MRI1: variants seen among roughly 807,000 people sequenced by gnomAD.
The protein encoded by MRI1 is methylthioribose-1-phosphate isomerase 1, also known as methylthioribose-1-phosphate isomerase.
In MRI1, 32 loss-of-function variants were observed where a neutral mutation model predicts 27.3. The observed-to-expected ratio is 1.17, with a 90% CI of 0.88 to 1.57. The LOEUF is 1.57. MRI1 is among the 40% of genes most tolerant of loss of function. The pLI is 0.00. For synonymous variants in MRI1, 216 were observed against 227.4 expected, an observed-to-expected ratio of 0.95 and a Z score of 0.45; for missense variants, 508 against 516.1, an observed-to-expected ratio of 0.98 and a Z score of 0.15.
intron 3 of MRI1, 156 bp from the exon 4 acceptor site, chr19:13,768,405 A>T (rs1974188293): frequency 6.5e-7 from 1 of 1,537,016 alleles, no homozygotes; most frequent in Admixed American, 2.0e-5. Flanking sequence ...TACCAGGCAG[A>T]GGGAACTGCC....
chr19:13,770,609 C>T (rs565719439), intron 5 of MRI1, among the ~76,000 whole-genome samples: 186 of 149,174 alleles, frequency 1.2e-3, no homozygotes, highest in African/African-American at 3.9e-3. Flanking sequence ...AAAGGCCGAG[C>T]GCTGTGGCTC....
chr19:13,772,449 C>G lies in MRI1; in HGVS notation c.*168C>G. 1.7e-6 allele frequency: 1 copy of G among 584,554 alleles called. No homozygotes were observed. Among genetic ancestry groups the G allele is most frequent in the Non-Finnish European group, 2.9e-6 (1 of 342,296 alleles). 36.2% of individuals were successfully genotyped at this position (584,554 alleles called of 1,614,324 possible). ...CACCTAGAGCCAGGCTGCCCAGATT[C>G]AAATCCTGACTCCGCCACTTTTCCC... is the stretch of plus-strand genomic sequence containing the variant. On this transcript the variant is annotated 3_prime_UTR_variant, in exon 6 of 6. Transcript: ENST00000040663.
chr19:13,765,478 C>A (rs557584751), intron 2 of MRI1, among the ~76,000 whole-genome samples: 7 of 152,028 alleles, frequency 4.6e-5, no homozygotes, highest in Non-Finnish European at 7.4e-5. Context: ...CATCTTTTTC[C>A]CCCCACTTCC....
intron 2 of MRI1, among the ~76,000 whole-genome samples, chr19:13,765,464 C>T (rs1035271716): frequency 1.1e-4 from 17 of 152,268 alleles, no homozygotes; most frequent in Middle Eastern, 3.4e-3. Context: ...GGTCCCCTTC[C>T]TGCCATCTTT....
Position 13,765,938 on chromosome 19 carries a change from C to A in MRI1, c.372-16C>A. The A allele has an allele frequency of 6.4e-7, 1 of 1,569,832 alleles. No homozygotes were observed. Among genetic ancestry groups the A allele is most frequent in the Non-Finnish European group, 8.7e-7 (1 of 1,155,886 alleles). ...GGGTCCTGGTGGCTGGTGCTGAAAA[C>A]TCCTTGTCACCCCAGAGTGATCTGC... On this transcript the variant is annotated splice_polypyrimidine_tract_variant and intron_variant, in intron 2 of 5. Coordinates refer to ENST00000040663, the MANE Select transcript of MRI1 (RefSeq NM_001031727.4).
intron 5 of MRI1, among the ~76,000 whole-genome samples, chr19:13,769,718 G>C (rs370934185): frequency 2.6e-5 from 4 of 151,532 alleles, no homozygotes; most frequent in Non-Finnish European, 5.9e-5. Context: ...TCAGGAGTTC[G>C]AGACCAGCCT....
At position 13,764,630 on chromosome 19, in the gene MRI1, G is replaced by C. The variant is rs375963533; in HGVS notation, c.42G>C (p.Gln14His). The C allele has an allele frequency of 6.2e-7, 1 of 1,609,332 alleles. No homozygotes were observed. The highest frequency in any genetic ancestry group is 8.5e-7 in the Non-Finnish European group (1 of 1,179,196). The change falls in exon 1 of 6, where the codon CAG becomes CAC. Residue 14 changes from glutamine (Q) to histidine (H), a missense_variant. Gln to His is a conservative substitution (Grantham distance 24). Transcript: ENST00000040663. ...TCCGCTACTCGCGGGGCTCCCTGCAGATCCTAGACCAGCTGCTGCTGCCCA... is the reference window on the plus strand; with the variant it reads ...TCCGCTACTCGCGGGGCTCCCTGCACATCCTAGACCAGCTGCTGCTGCCCA... ...EAIRYSRGSLQILDQLLLPKQ... is the reference protein window; with the variant it reads ...EAIRYSRGSLHILDQLLLPKQ...
Position 13,765,104 on chromosome 19 carries a change from G to GGAGA in MRI1, c.368_371dup (p.Val125GlufsTer46). 4 of 1,530,748 alleles carry GGAGA rather than the reference G, an allele frequency of 2.6e-6. No homozygotes were observed. Among genetic ancestry groups the GGAGA allele is most frequent in the Non-Finnish European group, 2.6e-6 (3 of 1,143,704 alleles). 94.8% of individuals were successfully genotyped at this position (1,530,748 alleles called of 1,614,324 possible). On this transcript the variant is annotated frameshift_variant, in exon 2 of 6. Coordinates refer to ENST00000040663, the MANE Select transcript of MRI1 (RefSeq NM_001031727.4). LOFTEE classifies it high-confidence loss of function. ...AGGGCGCTACGGAAGAGGCGGTCCGGGAGAGGTACGGGGATCTGGTACCAG... is the reference window on the plus strand; with the variant it reads ...AGGGCGCTACGGAAGAGGCGGTCCGGGAGAGAGAGGTACGGGGATCTGGTACCAG...
At chr19:13,771,818 T>C (rs1164684692) in intron 5 of MRI1, among the ~76,000 whole-genome samples, 1 of 151,684 alleles carries the variant, frequency 6.6e-6, no homozygotes, top group Non-Finnish European at 1.5e-5. Flanking sequence ...GATCGTGCCA[T>C]TGCACTCCAG....
chr19:13,767,328 T>C (rs911590668), intron 3 of MRI1, among the ~76,000 whole-genome samples: 2 of 151,956 alleles, frequency 1.3e-5, no homozygotes, highest in Non-Finnish European at 2.9e-5. Context: ...ATTACAGACG[T>C]AAGCCACAGT....
chr19:13,764,594 C>A lies in MRI1; in HGVS notation c.6C>A (p.Thr2=). ...CTGGGCTTGGCTGCTGCACCATGAC[C>A]CTGGAGGCGATCCGCTACTCGCGGG... The part of the protein sequence containing the change: M[T]LEAIRYSRGS... The change falls in exon 1 of 6, where the codon ACC becomes ACA. Residue 2 remains threonine (T), a synonymous_variant. Transcript: ENST00000040663. 6.2e-7 allele frequency: 1 copy of A among 1,608,966 alleles called. No individual in the cohort carries two copies. The highest frequency in any genetic ancestry group is 8.5e-7 in the Non-Finnish European group (1 of 1,178,936).
rs1974319453 is a variant in MRI1 at position 13,773,660 on chromosome 19, A to AAACAG, written c.*1383_*1384insGAACA. On this transcript the variant is annotated 3_prime_UTR_variant, in exon 6 of 6. Coordinates refer to ENST00000040663, the MANE Select transcript of MRI1 (RefSeq NM_001031727.4). ...AAAAAAAAAAAATCCATGATGAACA[A>AAACAG]AACAAGTATTTGTTTGAGACGGGGT... is the stretch of plus-strand genomic sequence containing the variant. The AAACAG allele has an allele frequency of 6.5e-6, 1 of 153,020 alleles. No homozygotes were observed. 9.5% of individuals were successfully genotyped at this position (153,020 alleles called of 1,614,324 possible).
At chr19:13,772,009 C>A (rs372651282) in intron 5 of MRI1, 112 bp from the exon 6 acceptor site, 26 of 1,035,732 alleles carry the variant, frequency 2.5e-5, no homozygotes, top group East Asian at 1.5e-4. Flanking sequence ...TCCTCAGGTT[C>A]TCAAGGACTC....
At position 13,764,551 on chromosome 19, in the gene MRI1, A is replaced by C. The variant is rs750227594; in HGVS notation, c.-38A>C. 2 of 1,596,036 alleles carry C rather than the reference A, an allele frequency of 1.3e-6. No homozygotes were observed. Among genetic ancestry groups the C allele is most frequent in the East Asian group, 4.5e-5 (2 of 44,472 alleles). ...CGCTCCCAAGTGCGCGCGGACCCCT[A>C]GCTCCCTCTGAGTTGCGCTGGGCTT... On this transcript the variant is annotated 5_prime_UTR_variant, in exon 1 of 6. Transcript: ENST00000040663.
intron 3 of MRI1, among the ~76,000 whole-genome samples, chr19:13,766,995 C>T (rs180730746): frequency 3.1e-5 from 4 of 130,646 alleles, no homozygotes; most frequent in Admixed American, 8.2e-5. Flanking sequence ...TTTGCATGAC[C>T]TATGCACATC....
intron 3 of MRI1, among the ~76,000 whole-genome samples, chr19:13,766,690 T>A (rs16979326): frequency 0.025 from 3,813 of 152,158 alleles, 151 homozygotes; most frequent in African/African-American, 0.087. Flanking sequence ...GAGTCCCACC[T>A]TCATCCCTGG....
chr19:13,771,710 G>T (rs1336273842), intron 5 of MRI1, among the ~76,000 whole-genome samples: 1 of 151,966 alleles, frequency 6.6e-6, no homozygotes, highest in Non-Finnish European at 1.5e-5. Flanking sequence ...AAAAATACTG[G>T]CTGGGCATGG....
At chr19:13,765,439 T>A (rs1387408224) in intron 2 of MRI1, among the ~76,000 whole-genome samples, 1 of 136,596 alleles carries the variant, frequency 7.3e-6, no homozygotes, top group Non-Finnish European at 1.5e-5. Flanking sequence ...TTTGAGGAAC[T>A]TTTTTTCCTG....
chr19:13,768,765 G>C lies in MRI1; in HGVS notation c.724+28G>C, dbSNP rs921429998. ...AAGCAGACGGTAAGCCCTGGGGGCG[G>C]GGCTCTGGAGCATGGGGCCAGGTAA... On this transcript the variant is annotated intron_variant, in intron 4 of 5. Coordinates refer to ENST00000040663, the MANE Select transcript of MRI1 (RefSeq NM_001031727.4). The C allele has an allele frequency of 5.0e-6, 8 of 1,597,388 alleles. No individual in the cohort carries two copies. The African/African-American group carries it at 1.1e-4, about 21-fold the overall frequency.
Sources: gnomAD v4.1 joint callset for allele counts (sites outside exome capture counted in the v4.1 genomes callset) on GRCh38, gnomAD v4.1.1 for gene constraint, MANE v1.5 for transcripts, NCBI Gene and HGNC (gene_info 2026-07-23, HGNC 2026-07-21) for gene names.